DNM1L: variants seen among roughly 807,000 people sequenced by gnomAD.
DNM1L encodes dynamin-1-like protein.
Under a neutral mutation model 92.8 loss-of-function variants are expected in DNM1L, and 33 were observed. The ratio of observed to expected loss-of-function variants is 0.36; its 90% CI spans 0.27 to 0.48. The LOEUF (loss-of-function observed/expected upper bound fraction) is 0.48. Among genes scored for constraint, DNM1L ranks in the 20% least tolerant of loss-of-function variants. The pLI is 0.99. For missense variants in DNM1L, 485 were observed against 888.8 expected (o/e 0.55, Z 5.78); for synonymous variants, 284 against 305.0 (o/e 0.93, Z 0.72).
intron 6 of DNM1L, among the ~76,000 whole-genome samples, chr12:32,717,501 A>G (rs1478220791): frequency 1.8e-5 from 2 of 114,168 alleles, no homozygotes; most frequent in Non-Finnish European, 3.4e-5. Context: ...TAGTATATAT[A>G]TATATTTTAG....
At chr12:32,685,748 G>A (rs142874150) in intron 1 of DNM1L, among the ~76,000 whole-genome samples, 12 of 151,480 alleles carry the variant, frequency 7.9e-5, no homozygotes, top group South Asian at 2.1e-4. Context: ...TTTTTTAAGC[G>A]CTAAATCATT....
chr12:32,703,014 A>G (rs1245052464), intron 2 of DNM1L, among the ~76,000 whole-genome samples: 1 of 151,782 alleles, frequency 6.6e-6, no homozygotes, highest in Admixed American at 6.6e-5. Flanking sequence ...TCTGAAACTA[A>G]GACCTTAAGA....
At chr12:32,709,405 A>C (rs576327802) in intron 4 of DNM1L, 1 of 152,302 alleles carries the variant, frequency 6.6e-6, no homozygotes, top group African/African-American at 2.4e-5. Context: ...ACAGTACCAG[A>C]ATTTAGAGTG....
rs2137301620 is a variant in DNM1L at position 32,701,377 on chromosome 12, A to G, written c.103-38A>G. 3 of 1,594,990 alleles carry G rather than the reference A, an allele frequency of 1.9e-6. No individual in the cohort carries two copies. In the East Asian group the frequency reaches 6.7e-5, roughly 36 times the overall value. ...TATTGAATTAACAAAAAATGTGTTA[A>G]GAAACTCATTTTGCTCTTGTATATA... On this transcript the variant is annotated intron_variant, in intron 1 of 19. Coordinates refer to ENST00000549701, the MANE Select transcript of DNM1L (RefSeq NM_012062.5).
In DNM1L at chr12:32,720,696, T is replaced by C; in HGVS notation, c.773T>C (p.Val258Ala). 6.2e-7 allele frequency: 1 copy of C among 1,613,958 alleles called. No individual in the cohort carries two copies. Among genetic ancestry groups the C allele is most frequent in the Non-Finnish European group, 8.5e-7 (1 of 1,179,908 alleles). Residue 258 changes from valine to alanine, a missense_variant, in exon 8 of 20, where the codon GTA (valine) becomes GCA (alanine). This residue lies in a region of DNM1L where 159 missense variants were observed against 275.9 expected (regional missense o/e 0.58). Transcript: ENST00000549701. Reference sequence around the variant, plus strand: ...CTAGATATTAACAACAAGAAGAGTGTAACTGATTCAATCCGTGATGAGTAT... The same window carrying C: ...CTAGATATTAACAACAAGAAGAGTGCAACTGATTCAATCCGTGATGAGTAT... ...SQLDINNKKS[V>A]TDSIRDEYAF...
chr12:32,728,367 C>T (rs559728962), intron 9 of DNM1L: 1 of 152,188 alleles, frequency 6.6e-6, no homozygotes, highest in African/African-American at 2.4e-5. Flanking sequence ...CACAAATGGG[C>T]CTTTGAAGAG....
In DNM1L at chr12:32,731,817, AAAAC is replaced by A. The variant is rs1954575302; in HGVS notation, c.1357-31_1357-28del. On this transcript the variant is annotated intron_variant, in intron 11 of 19. Coordinates refer to ENST00000549701, the MANE Select transcript of DNM1L (RefSeq NM_012062.5). This position sits in a 1 kb window ranked among gnomAD's most constrained non-coding sequence, Gnocchi z 5.1. The stretch of plus-strand genomic sequence containing the variant: ...AGACTATGACTTAAAAAAAAAACAA[AAAAC>A]AAACACGTTTTTCTTTCATCTACCA... 1 of 1,578,100 alleles carries A rather than the reference AAAAC, an allele frequency of 6.3e-7. No homozygotes were observed. The highest frequency in any genetic ancestry group is 8.7e-7 in the Non-Finnish European group (1 of 1,147,888).
chr12:32,735,077 A>G (rs1187355561), intron 13 of DNM1L, among the ~76,000 whole-genome samples: 1 of 152,204 alleles, frequency 6.6e-6, no homozygotes, highest in African/African-American at 2.4e-5. Context: ...AGTTTTTTTT[A>G]CATTGAAACT....
chr12:32,740,307 A>G, intron 17 of DNM1L, 67 bp downstream of exon 17: 1 of 1,612,396 alleles, frequency 6.2e-7, no homozygotes, highest in Non-Finnish European at 8.5e-7. Context: ...ACGATTAGAC[A>G]GAAAGAACTA....
At chr12:32,704,378 C>T (rs1304423686) in intron 2 of DNM1L, among the ~76,000 whole-genome samples, 4 of 151,868 alleles carry the variant, frequency 2.6e-5, no homozygotes, top group African/African-American at 9.7e-5. Flanking sequence ...GGTGAAACCC[C>T]ATCTCTACTA....
intron 18 of DNM1L, among the ~76,000 whole-genome samples, chr12:32,742,126 ACACAGTCTCAC>A (rs1483276892): frequency 6.6e-6 from 1 of 151,464 alleles, no homozygotes; most frequent in Admixed American, 6.6e-5. Context: ...TTTTTTTGAG[ACACAGTCTCAC>A]TCTGTTGCCC....
Position 32,697,094 on chromosome 12 carries a change from T to G in DNM1L, c.103-4321T>G, listed in dbSNP as rs1168637793. Among the ~76,000 whole-genome samples, 8 of 151,716 alleles carry G rather than the reference T, an allele frequency of 5.3e-5. No individual in the cohort carries two copies. In the South Asian group the frequency reaches 1.7e-3, roughly 32 times the overall value. On this transcript the variant is annotated intron_variant, in intron 1 of 19. Coordinates refer to ENST00000549701, the MANE Select transcript of DNM1L (RefSeq NM_012062.5). ...AAATACAAAAATTAGCCAGGTGTGG[T>G]GGCATGTACCTGTAATCCCAGCTAC...
intron 19 of DNM1L, 100 bp from the exon 20 acceptor site, chr12:32,743,254 T>C (rs1361844213): frequency 4.7e-6 from 5 of 1,071,662 alleles, no homozygotes; most frequent in South Asian, 4.0e-5. Flanking sequence ...TGGTTAGTTA[T>C]AAACCTACCA....
At chr12:32,716,960 GT>G (rs1249415823) in intron 6 of DNM1L, among the ~76,000 whole-genome samples, 1 of 145,316 alleles carries the variant, frequency 6.9e-6, no homozygotes, top group African/African-American at 2.5e-5. Flanking sequence ...CTGCCAGACT[GT>G]TTCCCAAAAT....
intron 6 of DNM1L, among the ~76,000 whole-genome samples, chr12:32,715,946 A>T (rs1402280704): frequency 6.6e-6 from 1 of 152,154 alleles, no homozygotes; most frequent in Admixed American, 6.5e-5. Context: ...CTATATGCAA[A>T]TGTCTACAGC....
intron 2 of DNM1L, chr12:32,706,596 C>G (rs888889040): frequency 1.2e-5 from 5 of 430,614 alleles, no homozygotes; most frequent in African/African-American, 2.0e-5. Context: ...AGACCTATGA[C>G]TGGAAACTAA....
In DNM1L at chr12:32,740,391, C is replaced by T. The variant is rs1324410662; in HGVS notation, c.1885-18C>T. The T allele has an allele frequency of 6.2e-7, 1 of 1,606,338 alleles. No individual in the cohort carries two copies. The highest frequency in any genetic ancestry group is 1.4e-5 in the African/African-American group (1 of 69,658). ...AGTGTCACAAAAGTAATATTTTTTC[C>T]CCCTCATCCCTATTTAGCCAGTTCC... On this transcript the variant is annotated intron_variant, in intron 17 of 19. Transcript: ENST00000549701.
rs1955379184 is a variant in DNM1L, at chr12:32,742,512, A to G, written c.1995-77A>G. ...TAGTGTTCTTACTTAACTTTATTTC[A>G]TGAGGTTAGCATCTAAGCCCAAATT... is the stretch of plus-strand genomic sequence containing the variant. On this transcript the variant is annotated intron_variant, in intron 18 of 19. Coordinates refer to ENST00000549701, the MANE Select transcript of DNM1L (RefSeq NM_012062.5). 2.6e-6 allele frequency: 4 copies of G among 1,560,568 alleles called. No individual in the cohort carries two copies. The South Asian group carries it at 3.4e-5, about 13-fold the overall frequency.
chr12:32,712,649 C>CAAAAAAA (rs59906286), intron 5 of DNM1L, among the ~76,000 whole-genome samples: 68 of 29,770 alleles, frequency 2.3e-3, no homozygotes, highest in East Asian at 3.2e-3. Context: ...GACCCTGTCT[C>CAAAAAAA]AAAAAAAAAA....
Sources: gnomAD v4.1 joint callset for allele counts (sites outside exome capture counted in the v4.1 genomes callset) on GRCh38, gnomAD v4.1.1 for gene constraint, gnomAD v4.1.1 regional missense constraint, Gnocchi (gnomAD v3.1) non-coding constraint, MANE v1.5 for transcripts, NCBI Gene and HGNC (gene_info 2026-07-23, HGNC 2026-07-21) for gene names.